The following CCDC146 variants were observed in gnomAD, a reference collection of about 807,000 sequenced individuals.
The protein encoded by CCDC146 is coiled-coil domain-containing protein 146.
A neutral mutation model predicts 119.3 loss-of-function variants in CCDC146; 92 were observed. The observed-to-expected ratio is 0.77, with a 90% CI of 0.65 to 0.92. The LOEUF is 0.92. Among genes scored for constraint, CCDC146 ranks in the 40% least tolerant of loss-of-function variants. The pLI is 0.00. For synonymous variants in CCDC146, 372 were observed against 371.8 expected (o/e 1.00, Z -0.01); for missense variants, 1,000 against 1,103.0 (o/e 0.91, Z 1.32).
intron 1 of CCDC146, among the ~76,000 whole-genome samples, chr7:77,136,656 G>C (rs1790864120): frequency 6.6e-6 from 1 of 152,098 alleles, no homozygotes; most frequent in Non-Finnish European, 1.5e-5. Context: ...GAAGCACAAA[G>C]TTCAGATGGG....
intron 4 of CCDC146, among the ~76,000 whole-genome samples, chr7:77,253,962 A>G (rs1111666): frequency 0.74 from 111,969 of 152,094 alleles, 42,958 homozygotes; most frequent in Non-Finnish European, 0.87. Context: ...GAGACTAGAG[A>G]GGCTGATGAG....
intron 1 of CCDC146, among the ~76,000 whole-genome samples, chr7:77,159,444 A>G (rs1442843052): frequency 6.6e-6 from 1 of 152,144 alleles, no homozygotes; most frequent in East Asian, 1.9e-4. Context: ...TTTTCTATCC[A>G]TGATGTTGCA....
intron 2 of CCDC146, among the ~76,000 whole-genome samples, chr7:77,203,065 A>G (rs1792023734): frequency 1.5e-5 from 2 of 135,536 alleles, no homozygotes; most frequent in Admixed American, 1.6e-4. Context: ...TTAGGAATGA[A>G]TCTTCTGCTG....
chr7:77,168,917 T>C (rs1791378412), intron 2 of CCDC146, among the ~76,000 whole-genome samples: 1 of 152,104 alleles, frequency 6.6e-6, no homozygotes, highest in Non-Finnish European at 1.5e-5. Flanking sequence ...ATATTCATTC[T>C]CTTAATCATA....
At chr7:77,154,825 G>T (rs1448503748) in intron 1 of CCDC146, among the ~76,000 whole-genome samples, 1 of 152,038 alleles carries the variant, frequency 6.6e-6, no homozygotes, top group Admixed American at 6.6e-5. Context: ...ACCCAGTAAT[G>T]GGATGGCTGG....
intron 2 of CCDC146, among the ~76,000 whole-genome samples, chr7:77,212,800 T>C (rs1258375551): frequency 1.3e-5 from 2 of 152,008 alleles, no homozygotes; most frequent in Non-Finnish European, 2.9e-5. Context: ...GGTAAGGTAA[T>C]GTGGTAATGT....
chr7:77,271,832 A>G (rs1002026645), intron 9 of CCDC146, among the ~76,000 whole-genome samples: 2 of 152,140 alleles, frequency 1.3e-5, no homozygotes, highest in Admixed American at 6.5e-5. Flanking sequence ...GGAAATAACC[A>G]AAGTGTCTAG....
chr7:77,260,317 G>A, intron 8 of CCDC146, 81 bp downstream of exon 8: 7 of 930,516 alleles, frequency 7.5e-6, no homozygotes, highest in African/African-American at 3.4e-5. Context: ...ATCTCACTTT[G>A]GTGTTGAGTT....
At chr7:77,142,849 A>G (rs1305031881) in intron 1 of CCDC146, among the ~76,000 whole-genome samples, 1 of 151,688 alleles carries the variant, frequency 6.6e-6, no homozygotes, top group Non-Finnish European at 1.5e-5. Context: ...AGTCTTTGCT[A>G]TTGTGAATAG....
At chr7:77,212,776 C>T (rs1171847447) in intron 2 of CCDC146, among the ~76,000 whole-genome samples, 4 of 151,894 alleles carry the variant, frequency 2.6e-5, no homozygotes, top group Non-Finnish European at 5.9e-5. Context: ...CAGATTCTAG[C>T]CTACATGGCA....
At chr7:77,259,833 T>G (rs3828948) in intron 7 of CCDC146, 176 bp from the exon 8 acceptor site, 27,916 of 560,272 alleles carry the variant, frequency 0.05, 1,119 homozygotes, top group African/African-American at 0.16. Flanking sequence ...CCCACCCATC[T>G]GTGGTCTTTA....
At chr7:77,289,892 GTA>G (rs1793913325) in intron 17 of CCDC146, among the ~76,000 whole-genome samples, 1 of 152,200 alleles carries the variant, frequency 6.6e-6, no homozygotes, top group East Asian at 1.9e-4. Flanking sequence ...CCATTACTGG[GTA>G]TATACCCAAA....
intron 1 of CCDC146, among the ~76,000 whole-genome samples, chr7:77,158,564 G>T (rs541321113): frequency 6.6e-6 from 1 of 152,084 alleles, no homozygotes; most frequent in East Asian, 1.9e-4. Context: ...CTGTTGCCCA[G>T]GCTGGAGTGC....
chr7:77,178,269 C>T (rs1791530536), intron 2 of CCDC146, among the ~76,000 whole-genome samples: 1 of 152,146 alleles, frequency 6.6e-6, no homozygotes, highest in Non-Finnish European at 1.5e-5. Context: ...TCTATTTGAA[C>T]AAGCTATGCT....
At chr7:77,223,731 A>G (rs916925674) in intron 2 of CCDC146, among the ~76,000 whole-genome samples, 8 of 152,272 alleles carry the variant, frequency 5.3e-5, no homozygotes, top group African/African-American at 1.9e-4. Flanking sequence ...TAGATCAACA[A>G]CAGTTAATGG....
chr7:77,199,173 A>G, intron 2 of CCDC146: 2 of 1,608,710 alleles, frequency 1.2e-6, no homozygotes, highest in African/African-American at 1.3e-5. Context: ...AAACATTATT[A>G]TACATACCTG....
rs71524924 is a variant in CCDC146, at chr7:77,231,818, G to GT, written c.157-5115dup. ...AAGAAAGTTTCTGCCTGTTGTTGTT[G>GT]TTTTTTTTTTTTTTCCTCTGCAGAA... On this transcript the variant is annotated intron_variant, in intron 2 of 18. Transcript: ENST00000285871. Among the ~76,000 whole-genome samples the GT allele has an allele frequency of 1.5e-3, 204 of 137,824 alleles. 1 individual carries two copies. The highest frequency in any genetic ancestry group is 1.9e-3 in the East Asian group (9 of 4,782). 90.4% of individuals were successfully genotyped at this position (137,824 alleles called of 152,430 possible).
intron 2 of CCDC146, among the ~76,000 whole-genome samples, chr7:77,207,438 A>T (rs1021601527): frequency 1.3e-5 from 2 of 152,224 alleles, no homozygotes; most frequent in Non-Finnish European, 2.9e-5. Flanking sequence ...TATTTAACAC[A>T]AAATTATTTT....
intron 14 of CCDC146, among the ~76,000 whole-genome samples, chr7:77,281,947 TCATGCAGAC>T (rs1793771871): frequency 6.6e-6 from 1 of 152,182 alleles, no homozygotes; most frequent in East Asian, 1.9e-4. Context: ...GCATGATCGG[TCATGCAGAC>T]CAGAGCTGCT....
Sources: gnomAD v4.1 joint callset for allele counts (sites outside exome capture counted in the v4.1 genomes callset) on GRCh38, gnomAD v4.1.1 for gene constraint, MANE v1.5 for transcripts, NCBI Gene and HGNC (gene_info 2026-07-23, HGNC 2026-07-21) for gene names.